KATNIP: variants seen among roughly 807,000 people sequenced by gnomAD.
The protein encoded by KATNIP is katanin interacting protein, also known as katanin-interacting protein.
KATNIP carries 126 observed loss-of-function variants against 174.0 expected under a neutral mutation model. The observed-to-expected ratio is 0.72, with a 90% CI of 0.63 to 0.84. The LOEUF (loss-of-function observed/expected upper bound fraction) is 0.84. Ranked by LOEUF, KATNIP falls within the 40% of genes least tolerant of loss-of-function variation. The pLI is 0.00. For synonymous variants in KATNIP, 810 were observed against 835.7 expected, an observed-to-expected ratio of 0.97 and a Z score of 0.53; for missense variants, 1,958 against 2,109.7, an observed-to-expected ratio of 0.93 and a Z score of 1.41.
At chr16:27,588,234 C>T (rs1361726089) in intron 2 of KATNIP, among the ~76,000 whole-genome samples, 3 of 151,760 alleles carry the variant, frequency 2.0e-5, no homozygotes, top group Non-Finnish European at 4.4e-5. Context: ...GAAATAGGAC[C>T]ATACTAAGGG....
rs374130852 is a variant in KATNIP at position 27,749,868 on chromosome 16, G to T, written c.2908G>T (p.Val970Phe). The change falls in exon 16 of 28, where the codon GTC becomes TTC. Residue 970 changes from valine to phenylalanine, a missense_variant. By Grantham distance (50) the Val-to-Phe change is conservative (BLOSUM62 -1). This residue lies in a region of KATNIP where 1,557 missense variants were observed against 1,617.8 expected (regional missense o/e 0.96). Transcript: ENST00000261588. ...TDAGGDFKIP[V>F]LPYGQRLVID... ...CGCTGGGGGTGACTTTAAAATCCCC[G>T]TCTTGCCTTATGGACAGCGCTTGGT... 6.2e-7 allele frequency: 1 copy of T among 1,614,174 alleles called. No homozygotes were observed. Among genetic ancestry groups the T allele is most frequent in the Non-Finnish European group, 8.5e-7 (1 of 1,180,024 alleles).
At chr16:27,724,271 G>A (rs976348612) in intron 14 of KATNIP, among the ~76,000 whole-genome samples, 1 of 152,172 alleles carries the variant, frequency 6.6e-6, no homozygotes, top group Non-Finnish European at 1.5e-5. Flanking sequence ...CCTGGCAGGT[G>A]GCCATCGTCA....
intron 3 of KATNIP, among the ~76,000 whole-genome samples, chr16:27,620,226 G>A (rs1188473796): frequency 1.3e-5 from 2 of 152,176 alleles, no homozygotes; most frequent in Admixed American, 6.5e-5. Flanking sequence ...TGGAGCTGTC[G>A]TGATGACAGG....
At chr16:27,561,825 T>C (rs559869014) in intron 1 of KATNIP, among the ~76,000 whole-genome samples, 2 of 152,346 alleles carry the variant, frequency 1.3e-5, no homozygotes, top group Admixed American at 6.5e-5. Context: ...GGGTCTCATT[T>C]TGGGGACTCT....
chr16:27,563,913 A>AG (rs1475112457), intron 1 of KATNIP, among the ~76,000 whole-genome samples: 1 of 150,056 alleles, frequency 6.7e-6, no homozygotes, highest in East Asian at 2.0e-4. Context: ...AAAAAAAAAA[A>AG]AAAAGCTGGC....
At chr16:27,674,131 T>C (rs2078021785) in intron 6 of KATNIP, among the ~76,000 whole-genome samples, 1 of 152,160 alleles carries the variant, frequency 6.6e-6, no homozygotes. Flanking sequence ...GCAACAGAGA[T>C]AATTAATTAA....
intron 8 of KATNIP, among the ~76,000 whole-genome samples, chr16:27,692,381 A>G (rs1028818344): frequency 4.6e-5 from 7 of 152,144 alleles, no homozygotes; most frequent in African/African-American, 1.7e-4. Context: ...GGTTTAAGTC[A>G]TTTTTCATCC....
chr16:27,704,859 A>C (rs1368849702), intron 12 of KATNIP, among the ~76,000 whole-genome samples: 5 of 150,730 alleles, frequency 3.3e-5, no homozygotes, highest in African/African-American at 1.2e-4. Flanking sequence ...GTGGCATCAG[A>C]GTGGTAGGAT....
chr16:27,750,436 T>TC, intron 16 of KATNIP, 130 bp downstream of exon 16: 1 of 949,286 alleles, frequency 1.1e-6, no homozygotes. Context: ...TTTTTTTTTT[T>TC]TGAGACGGAG....
At chr16:27,668,090 A>C (rs1053729947) in intron 6 of KATNIP, among the ~76,000 whole-genome samples, 1 of 152,146 alleles carries the variant, frequency 6.6e-6, no homozygotes, top group East Asian at 1.9e-4. Context: ...CAGGTTTATC[A>C]ATTTTGTGCA....
At chr16:27,735,722 G>A (rs927837287) in intron 14 of KATNIP, among the ~76,000 whole-genome samples, 7 of 152,152 alleles carry the variant, frequency 4.6e-5, no homozygotes, top group South Asian at 2.1e-4. Context: ...AAATTGCTGC[G>A]GAAACCTCTG....
chr16:27,698,653 C>T (rs1049279719), intron 9 of KATNIP, among the ~76,000 whole-genome samples, 153 bp downstream of exon 9: 1 of 152,252 alleles, frequency 6.6e-6, no homozygotes, highest in Non-Finnish European at 1.5e-5. Context: ...CAGACAGTCA[C>T]CCACTGACCT....
At chr16:27,614,080 A>T (rs1023137732) in intron 2 of KATNIP, among the ~76,000 whole-genome samples, 5 of 142,062 alleles carry the variant, frequency 3.5e-5, no homozygotes, top group Non-Finnish European at 6.2e-5. Flanking sequence ...CACACCAGCT[A>T]TTTTTTTTTT....
At chr16:27,592,847 G>A (rs531615047) in intron 2 of KATNIP, among the ~76,000 whole-genome samples, 2 of 152,092 alleles carry the variant, frequency 1.3e-5, no homozygotes, top group Non-Finnish European at 2.9e-5. Flanking sequence ...GAGCCACTGC[G>A]CCCAGCTTAT....
intron 19 of KATNIP, among the ~76,000 whole-genome samples, chr16:27,761,887 GCGTCT>G (rs957598146): frequency 1.1e-4 from 16 of 152,300 alleles, no homozygotes; most frequent in African/African-American, 3.6e-4. Flanking sequence ...GCTTAGCAGA[GCGTCT>G]CGCACACAGT....
rs557649469 is a variant in KATNIP at position 27,655,400 on chromosome 16, A to ATTAT, written c.540+6692_540+6695dup. ...AGGTACGCACCACCATGTCCAGCCAATTATTTATTTATTTATTTATTTATT... is the reference window on the plus strand; with the variant it reads ...AGGTACGCACCACCATGTCCAGCCAATTATTTATTTATTTATTTATTTATTTATT... On this transcript the variant is annotated intron_variant, in intron 6 of 27. Transcript: ENST00000261588. 4.1e-3 allele frequency among the ~76,000 whole-genome samples: 615 copies of ATTAT among 148,688 alleles called. 3 individuals are homozygous for ATTAT. Among genetic ancestry groups the ATTAT allele is most frequent in the South Asian group, 0.011 (52 of 4,676 alleles).
intron 2 of KATNIP, among the ~76,000 whole-genome samples, chr16:27,614,080 A>AT (rs796523527): frequency 0.037 from 5,303 of 141,978 alleles, 322 homozygotes; most frequent in African/African-American, 0.13. Flanking sequence ...CACACCAGCT[A>AT]TTTTTTTTTT....
rs148709505 is a variant in KATNIP at position 27,585,144 on chromosome 16, G to C, written c.63+11188G>C. ...CTCATCTGGCAAGGGGAGCTGGTCT[G>C]ATACTTACCTCCCCAAACTCAATGC... On this transcript the variant is annotated intron_variant, in intron 2 of 27. Transcript: ENST00000261588. Among the ~76,000 whole-genome samples, 11 of 152,262 alleles carry C rather than the reference G, an allele frequency of 7.2e-5. No individual in the cohort carries two copies. The East Asian group carries it at 1.5e-3, about 21-fold the overall frequency.
chr16:27,767,844 G>T (rs571886657), intron 20 of KATNIP, among the ~76,000 whole-genome samples: 2 of 152,170 alleles, frequency 1.3e-5, no homozygotes, highest in Non-Finnish European at 2.9e-5. Context: ...TCCCAATGCC[G>T]CCCTGTGTCT....
Sources: gnomAD v4.1 joint callset for allele counts (sites outside exome capture counted in the v4.1 genomes callset) on GRCh38, gnomAD v4.1.1 for gene constraint, gnomAD v4.1.1 regional missense constraint, MANE v1.5 for transcripts, NCBI Gene and HGNC (gene_info 2026-07-23, HGNC 2026-07-21) for gene names.